The following FOXP2 variants were observed in gnomAD, a reference collection of about 807,000 sequenced individuals.
The protein encoded by FOXP2 is forkhead box protein P2.
A neutral mutation model predicts 115.8 loss-of-function variants in FOXP2; 12 were observed. The ratio of observed to expected loss-of-function variants is 0.10; its 90% confidence interval spans 0.07 to 0.17. FOXP2 has a LOEUF of 0.17. Ranked by LOEUF, FOXP2 falls within the 10% of genes least tolerant of loss-of-function variation. The probability of loss-of-function intolerance (pLI) is 1.00; values close to 1 mark genes in which losing one functional copy is unlikely to be tolerated. For missense variants in FOXP2, 629 were observed against 843.5 expected (o/e 0.75, Z 3.15); for synonymous variants, 328 against 297.7 (o/e 1.10, Z -1.05).
chr7:114,304,990 T>C (rs1314563054), intron 2 of FOXP2, among the ~76,000 whole-genome samples: 1 of 152,192 alleles, frequency 6.6e-6, no homozygotes, highest in Non-Finnish European at 1.5e-5. Flanking sequence ...TTTTATAAAA[T>C]TTTTACTATG....
intron 1 of FOXP2, among the ~76,000 whole-genome samples, chr7:114,199,573 A>G (rs191056884): frequency 3.3e-5 from 5 of 152,304 alleles, no homozygotes; most frequent in Admixed American, 2.6e-4. Flanking sequence ...GCAGCAAGTC[A>G]CAGAGCTCTG....
intron 2 of FOXP2, among the ~76,000 whole-genome samples, chr7:114,358,470 G>A (rs1237073573): frequency 6.6e-6 from 1 of 152,102 alleles, no homozygotes; most frequent in African/African-American, 2.4e-5. Context: ...AGTTTGGAGG[G>A]CTCAGAAGAA....
At chr7:114,423,248 C>T (rs1282296592) in intron 1 of FOXP2, among the ~76,000 whole-genome samples, 2 of 151,648 alleles carry the variant, frequency 1.3e-5, no homozygotes, top group South Asian at 2.1e-4. Flanking sequence ...CACTAAGTAA[C>T]CTTTCAATTC....
At chr7:114,152,220 C>G (rs192071238) in intron 1 of FOXP2, among the ~76,000 whole-genome samples, 2 of 151,938 alleles carry the variant, frequency 1.3e-5, no homozygotes, top group Non-Finnish European at 2.9e-5. Flanking sequence ...CAAATTGTTC[C>G]GACATTATCT....
intron 2 of FOXP2, among the ~76,000 whole-genome samples, chr7:114,335,278 T>C (rs1353795309): frequency 6.6e-6 from 1 of 151,778 alleles, no homozygotes; most frequent in Non-Finnish European, 1.5e-5. Context: ...TTGTATAATT[T>C]ATGTAAAATA....
chr7:114,385,157 C>CGTAAAT (rs1309698018), intron 2 of FOXP2, among the ~76,000 whole-genome samples: 3 of 151,796 alleles, frequency 2.0e-5, no homozygotes, highest in African/African-American at 7.3e-5. Flanking sequence ...GAGCTGTATA[C>CGTAAAT]CTAAATCGGG....
chr7:114,557,004 C>CT (rs1231067580), intron 3 of FOXP2, among the ~76,000 whole-genome samples: 1 of 151,968 alleles, frequency 6.6e-6, no homozygotes, highest in Non-Finnish European at 1.5e-5. Flanking sequence ...TATTATTTTC[C>CT]TTTTTTTAGT....
intron 3 of FOXP2, among the ~76,000 whole-genome samples, chr7:114,559,011 T>C (rs889576027): frequency 1.3e-5 from 2 of 151,446 alleles, no homozygotes; most frequent in African/African-American, 4.9e-5. Flanking sequence ...TCTCCAAATG[T>C]TCATAAGAAA....
intron 2 of FOXP2, among the ~76,000 whole-genome samples, chr7:114,357,330 A>G (rs964184941): frequency 2.0e-5 from 3 of 152,252 alleles, no homozygotes; most frequent in Non-Finnish European, 4.4e-5. Flanking sequence ...TAGGCAATGC[A>G]GTTCAAACGA....
intron 1 of FOXP2, among the ~76,000 whole-genome samples, chr7:114,130,193 T>C (rs555415229): frequency 1.3e-5 from 2 of 152,220 alleles, no homozygotes; most frequent in South Asian, 4.1e-4. Flanking sequence ...CGTGGTGGCA[T>C]GTACCTGTAG....
chr7:114,523,380 C>T (rs768731734), intron 2 of FOXP2, among the ~76,000 whole-genome samples: 11 of 152,172 alleles, frequency 7.2e-5, no homozygotes, highest in Non-Finnish European at 1.6e-4. Context: ...CAAGGCCTCT[C>T]TCTTCTCAAA....
At chr7:114,472,638 G>A (rs962360264) in intron 2 of FOXP2, among the ~76,000 whole-genome samples, 22 of 152,120 alleles carry the variant, frequency 1.4e-4, no homozygotes, top group African/African-American at 4.8e-4. Context: ...GTGAGCCATC[G>A]TGCCCAGCCT....
chr7:114,424,097 C>T (rs866409525), intron 1 of FOXP2, among the ~76,000 whole-genome samples: 1 of 151,336 alleles, frequency 6.6e-6, no homozygotes, highest in Non-Finnish European at 1.5e-5. Context: ...GAATAAAATC[C>T]TTTAGTTAAA....
At chr7:114,607,655 A>C (rs1156406822) in intron 3 of FOXP2, among the ~76,000 whole-genome samples, 1 of 152,186 alleles carries the variant, frequency 6.6e-6, no homozygotes, top group East Asian at 1.9e-4. Context: ...AAGAAAATGC[A>C]CAGAGGCTTC....
intron 2 of FOXP2, among the ~76,000 whole-genome samples, chr7:114,494,621 T>C (rs763029892): frequency 7.2e-5 from 11 of 152,190 alleles, no homozygotes; most frequent in African/African-American, 1.2e-4. Context: ...TAAAAATCCA[T>C]ATTTTATAGA....
chr7:114,686,628 A>G (rs1354281672), intron 16 of FOXP2, among the ~76,000 whole-genome samples: 2 of 152,106 alleles, frequency 1.3e-5, no homozygotes. Flanking sequence ...AATAATGTAT[A>G]TATCTTCATT....
chr7:114,410,752 A>C (rs557378400), upstream of FOXP2, among the ~76,000 whole-genome samples: 1 of 152,190 alleles, frequency 6.6e-6, no homozygotes, highest in Non-Finnish European at 1.5e-5. Context: ...TGGATATGTT[A>C]TAGCTATACA....
chr7:114,574,184 T>C (rs996598007), intron 3 of FOXP2, among the ~76,000 whole-genome samples: 1 of 151,844 alleles, frequency 6.6e-6, no homozygotes, highest in Admixed American at 6.6e-5. Context: ...TGATTCTAAA[T>C]TTTATCTACT....
At chr7:114,483,877 G>A (rs1395858874) in intron 2 of FOXP2, among the ~76,000 whole-genome samples, 3 of 151,600 alleles carry the variant, frequency 2.0e-5, no homozygotes, top group Admixed American at 6.6e-5. Flanking sequence ...GAATAATAAA[G>A]CAGTCCTGGA....
Sources: allele counts gnomAD v4.1 joint callset (sites outside exome capture counted in the v4.1 genomes callset), GRCh38; gene constraint gnomAD v4.1.1; transcripts MANE v1.5; gene names NCBI Gene and HGNC (gene_info 2026-07-23, HGNC 2026-07-21).